The following NIBAN2 variants were observed in gnomAD, a reference collection of about 807,000 sequenced individuals.
NIBAN2 encodes niban apoptosis regulator 2.
In NIBAN2, 36 loss-of-function variants were observed where a neutral mutation model predicts 81.8. The ratio of observed to expected loss-of-function variants is 0.44; its 90% CI spans 0.34 to 0.58. NIBAN2 has a LOEUF of 0.58. Ranked by LOEUF, NIBAN2 falls within the 20% of genes least tolerant of loss-of-function variation. The probability of loss-of-function intolerance (pLI) is 0.02; values close to 1 mark genes in which losing one functional copy is unlikely to be tolerated. For synonymous variants in NIBAN2, 445 were observed against 441.6 expected (o/e 1.01, Z -0.10); for missense variants, 897 against 1,014.1 (o/e 0.88, Z 1.57).
In NIBAN2 at chr9:127,510,210, A is replaced by G; in HGVS notation, c.1097T>C (p.Phe366Ser). The stretch of plus-strand genomic sequence containing the variant: ...CAGGTTCATGTCCGTGACCTCCTTG[A>G]AGAAGACATCTCGCACCTCAGTGAA... ...QGFTEVRDVF[F>S]KEVTDMNLNV... The change falls in exon 9 of 14, where the codon TTC becomes TCC. Residue 366 changes from phenylalanine (F) to serine (S), a missense_variant. This residue lies in a region of NIBAN2 where 619 missense variants were observed against 691.0 expected (regional missense o/e 0.90). Coordinates refer to ENST00000373312, the MANE Select transcript of NIBAN2 (RefSeq NM_022833.4). 1 of 1,614,056 alleles carries G rather than the reference A, an allele frequency of 6.2e-7. No individual in the cohort carries two copies. The highest frequency in any genetic ancestry group is 8.5e-7 in the Non-Finnish European group (1 of 1,179,974).
chr9:127,575,131 TC>T (rs1239898583), intron 1 of NIBAN2, among the ~76,000 whole-genome samples: 5 of 150,478 alleles, frequency 3.3e-5, no homozygotes, highest in Non-Finnish European at 7.4e-5. Flanking sequence ...TGCCAGTCCC[TC>T]CCCCCACTTC....
Position 127,516,975 on chromosome 9 carries a change from C to T in NIBAN2, c.855G>A (p.Ala285=), listed in dbSNP as rs371948570. 24 of 1,613,984 alleles carry T rather than the reference C, an allele frequency of 1.5e-5. No homozygotes were observed. Among genetic ancestry groups the T allele is most frequent in the Middle Eastern group, 1.6e-4 (1 of 6,084 alleles). Residue 285 remains alanine, a synonymous_variant, in exon 8 of 14, where the codon GCG becomes GCA. Transcript: ENST00000373312. ...CCTTGGACAGCACCTCCTCGAAGCG[C>T]GCCTTGGCCTGCTCGTACACCATGT... ...VYHMVYEQAK[A]RFEEVLSKVQ... is the part of the protein sequence containing the mutation.
intron 1 of NIBAN2, among the ~76,000 whole-genome samples, chr9:127,540,870 A>G (rs1837365484): frequency 6.6e-6 from 1 of 151,892 alleles, no homozygotes; most frequent in Non-Finnish European, 1.5e-5. Flanking sequence ...GACACACCTC[A>G]CCCACGAGGC....
At chr9:127,551,995 T>C (rs980710788) in intron 1 of NIBAN2, among the ~76,000 whole-genome samples, 4 of 152,114 alleles carry the variant, frequency 2.6e-5, no homozygotes, top group African/African-American at 9.7e-5. Flanking sequence ...CAGCTGCAGG[T>C]GTCCTCAGCT....
Position 127,506,840 on chromosome 9 carries a change from C to G in NIBAN2, c.*5G>C. 1 of 1,596,286 alleles carries G rather than the reference C, an allele frequency of 6.3e-7. No homozygotes were observed. Among genetic ancestry groups the G allele is most frequent in the Non-Finnish European group, 8.5e-7 (1 of 1,171,668 alleles). On this transcript the variant is annotated 3_prime_UTR_variant, in exon 14 of 14. Transcript: ENST00000373312. ...GCCATGTGCAGCAGTCAGGGACCCA[C>G]TGGCCTAGAACTCAGTCTGCACCCC...
intron 4 of NIBAN2, 93 bp from the exon 5 acceptor site, chr9:127,523,939 G>C (rs1837012692): frequency 7.2e-7 from 1 of 1,398,220 alleles, no homozygotes; most frequent in Non-Finnish European, 9.9e-7. Flanking sequence ...CAGCTCTGAG[G>C]TCAGGCTCAG....
At chr9:127,516,610 A>C (rs910093256) in intron 8 of NIBAN2, among the ~76,000 whole-genome samples, 2 of 152,218 alleles carry the variant, frequency 1.3e-5, no homozygotes, top group Admixed American at 1.3e-4. Context: ...ATCTGTGACG[A>C]GTCAGAGATG....
chr9:127,516,602 C>A (rs1315649106), intron 8 of NIBAN2, among the ~76,000 whole-genome samples: 1 of 152,160 alleles, frequency 6.6e-6, no homozygotes, highest in Non-Finnish European at 1.5e-5. Context: ...TGGTAAAAAT[C>A]TGTGACGAGT....
chr9:127,575,397 T>G (rs531258057), intron 1 of NIBAN2, among the ~76,000 whole-genome samples: 125 of 151,440 alleles, frequency 8.3e-4, no homozygotes, highest in Middle Eastern at 3.4e-3. Context: ...CTGGCTAATT[T>G]TGGTATTTTT....
chr9:127,526,215 C>T (rs914646346), intron 3 of NIBAN2, among the ~76,000 whole-genome samples: 1 of 151,980 alleles, frequency 6.6e-6, no homozygotes, highest in Non-Finnish European at 1.5e-5. Context: ...TCCGGGCCAA[C>T]ATGGTGAAAA....
At chr9:127,568,076 G>A (rs1321619517) in intron 1 of NIBAN2, among the ~76,000 whole-genome samples, 8 of 152,174 alleles carry the variant, frequency 5.3e-5, no homozygotes, top group Non-Finnish European at 1.5e-5. Context: ...AGGAGCCTTG[G>A]GGACAGCTGT....
chr9:127,578,679 A>AG (rs1564325955), intron 1 of NIBAN2, among the ~76,000 whole-genome samples: 2 of 151,062 alleles, frequency 1.3e-5, no homozygotes, highest in African/African-American at 4.9e-5. Flanking sequence ...AAAAAAAAAA[A>AG]GAAAAGAAAA....
chr9:127,567,842 A>C (rs537776901), intron 1 of NIBAN2, among the ~76,000 whole-genome samples: 1 of 152,192 alleles, frequency 6.6e-6, no homozygotes, highest in African/African-American at 2.4e-5. Flanking sequence ...CTCATTAATA[A>C]GGAAGAAATC....
intron 1 of NIBAN2, among the ~76,000 whole-genome samples, chr9:127,550,911 G>A (rs546760983): frequency 2.7e-4 from 41 of 152,282 alleles, no homozygotes; most frequent in African/African-American, 8.2e-4. Flanking sequence ...GCAAAGAGCC[G>A]GGAAACCAGA....
intron 3 of NIBAN2, among the ~76,000 whole-genome samples, chr9:127,526,398 CAAAAAA>C (rs71495649): frequency 7.6e-5 from 7 of 92,604 alleles, no homozygotes; most frequent in Admixed American, 6.2e-4. Context: ...GACTTCATCT[CAAAAAA>C]AAAAAAAAAA....
intron 1 of NIBAN2, among the ~76,000 whole-genome samples, chr9:127,565,211 C>T (rs1837837916): frequency 6.6e-6 from 1 of 152,078 alleles, no homozygotes; most frequent in South Asian, 2.1e-4. Context: ...ATCCGCCCTC[C>T]TCAGCCTCCC....
chr9:127,579,015 T>C, upstream of NIBAN2: 1 of 1,362,720 alleles, frequency 7.3e-7, no homozygotes, highest in Non-Finnish European at 1.0e-6. Context: ...TTGAGAGCTG[T>C]TTGCTGCTGA....
chr9:127,541,557 C>A (rs376969000), intron 1 of NIBAN2, among the ~76,000 whole-genome samples: 1 of 152,162 alleles, frequency 6.6e-6, no homozygotes, highest in African/African-American at 2.4e-5. Flanking sequence ...GAAGGGCAGA[C>A]ACAGGGCTCC....
chr9:127,533,959 T>A (rs1446475370), intron 1 of NIBAN2, among the ~76,000 whole-genome samples: 1 of 152,254 alleles, frequency 6.6e-6, no homozygotes. Context: ...TGCTATGGCC[T>A]TGAAGGCAGG....
Sources: gnomAD v4.1 joint callset for allele counts (sites outside exome capture counted in the v4.1 genomes callset) on GRCh38, gnomAD v4.1.1 for gene constraint, gnomAD v4.1.1 regional missense constraint, MANE v1.5 for transcripts, NCBI Gene and HGNC (gene_info 2026-07-23, HGNC 2026-07-21) for gene names.